The following MTMR11 variants were observed in gnomAD, a reference collection of about 807,000 sequenced individuals.
The protein encoded by MTMR11 is myotubularin related protein 11, also known as myotubularin-related protein 11.
Under a neutral mutation model 100.0 loss-of-function variants are expected in MTMR11, and 89 were observed. That is an observed-to-expected ratio of 0.89 (90% CI 0.75 to 1.06). MTMR11 has a LOEUF of 1.06. Among genes scored for constraint, MTMR11 ranks in the 50% least tolerant of loss-of-function variants. MTMR11 has a pLI of 0.00. For missense variants in MTMR11, 809 were observed against 873.7 expected (o/e 0.93, Z 0.93); for synonymous variants, 336 against 326.3 (o/e 1.03, Z -0.32).
chr1:149,935,510 G>A, intron 3 of MTMR11, 74 bp downstream of exon 3: 1 of 1,591,152 alleles, frequency 6.3e-7, no homozygotes, highest in East Asian at 2.2e-5. Flanking sequence ...AACCCATAAT[G>A]TTTGTCTAAA....
At chr1:149,933,037 C>A (rs1461877499) in intron 10 of MTMR11, among the ~76,000 whole-genome samples, 1 of 150,780 alleles carries the variant, frequency 6.6e-6, no homozygotes, top group Non-Finnish European at 1.5e-5. Flanking sequence ...TCACCCGCCT[C>A]CTGGGTTCAA....
chr1:149,931,613 C>G (rs1553767703), intron 12 of MTMR11, 187 bp from the exon 13 acceptor site: 1 of 606,200 alleles, frequency 1.6e-6, no homozygotes, highest in Non-Finnish European at 2.8e-6. Flanking sequence ...ACTTCCTGGA[C>G]TCCACCCGGA....
chr1:149,930,422 G>T lies in MTMR11; in HGVS notation c.1590C>A (p.Phe530Leu), dbSNP rs781933649. 4.3e-6 allele frequency: 7 copies of T among 1,614,004 alleles called. No individual in the cohort carries two copies. Among genetic ancestry groups the T allele is most frequent in the Non-Finnish European group, 5.9e-6 (7 of 1,179,918 alleles). ...LRYSNAQILQ[F>L]QNPGYDPEHC... Reference sequence around the variant, plus strand: ...GTTCTGGGTCATAGCCAGGATTCTGGAATTGTAGTATCTGTGCATTGCTAT... The same window carrying T: ...GTTCTGGGTCATAGCCAGGATTCTGTAATTGTAGTATCTGTGCATTGCTAT... The change falls in exon 15 of 17, where the codon TTC becomes TTA. Residue 530 changes from phenylalanine (F) to leucine (L), a missense_variant. Phe to Leu is a conservative substitution (Grantham distance 22). Coordinates refer to ENST00000439741, the MANE Select transcript of MTMR11 (RefSeq NM_001145862.2).
chr1:149,928,804 G>A lies in MTMR11; in HGVS notation c.*325C>T, dbSNP rs2092614403. On this transcript the variant is annotated 3_prime_UTR_variant, in exon 17 of 17. Coordinates refer to ENST00000439741, the MANE Select transcript of MTMR11 (RefSeq NM_001145862.2). ...GGAATTAAAGCAGCAGCAAGGCGAG[G>A]TGAGAATGCGATTTCTAGGCCATCT... 3 of 1,473,210 alleles carry A rather than the reference G, an allele frequency of 2.0e-6. No individual in the cohort carries two copies. 91.3% of individuals were successfully genotyped at this position (1,473,210 alleles called of 1,614,324 possible). A position where few individuals can be genotyped will look rare whatever the true frequency, so the allele number is the denominator to read the frequency against.
chr1:149,935,195 C>T (rs1232967471), intron 4 of MTMR11, 67 bp from the exon 5 acceptor site: 6 of 1,607,936 alleles, frequency 3.7e-6, no homozygotes, highest in Non-Finnish European at 5.1e-6. Context: ...ACTCTTGCAG[C>T]CCATCCCACT....
chr1:149,929,019 C>T lies in MTMR11; in HGVS notation c.*110G>A, dbSNP rs587743091. On this transcript the variant is annotated 3_prime_UTR_variant, in exon 17 of 17. Coordinates refer to ENST00000439741, the MANE Select transcript of MTMR11 (RefSeq NM_001145862.2). The stretch of plus-strand genomic sequence containing the variant: ...GAGTTGGAGCAGTTAACACCACTAT[C>T]TGCAGCAGAAACTCAGACCTTCTTA... 5 of 1,601,438 alleles carry T rather than the reference C, an allele frequency of 3.1e-6. No homozygotes were observed. The African/African-American group carries it at 6.7e-5, about 22-fold the overall frequency.
chr1:149,936,214 T>C lies in MTMR11; in HGVS notation c.82A>G (p.Arg28Gly). The part of the protein sequence containing the change: ...EPEMGSVQEN[R>G]MPEPRSRQPS... The stretch of plus-strand genomic sequence containing the variant: ...TGACGACTCCTGGGCTCCGGCATCC[T>C]ATTTTCCTGGACAGACTTTGGTCCA... The change falls in exon 2 of 17, where the codon AGG (arginine) becomes GGG (glycine). Residue 28 changes from arginine (R) to glycine (G), a missense_variant. Arg to Gly is a moderately radical substitution (Grantham distance 125, BLOSUM62 -2). Transcript: ENST00000439741. 2 of 1,614,002 alleles carry C rather than the reference T, an allele frequency of 1.2e-6. No individual in the cohort carries two copies. Among genetic ancestry groups the C allele is most frequent in the Non-Finnish European group, 1.7e-6 (2 of 1,180,008 alleles).
chr1:149,933,969 T>C (rs1421957053), intron 7 of MTMR11, 27 bp from the exon 8 acceptor site: 2 of 1,600,074 alleles, frequency 1.2e-6, no homozygotes, highest in Non-Finnish European at 1.7e-6. Context: ...ATATTACAGT[T>C]TGGCTCAGTG....
chr1:149,936,350 T>A lies in MTMR11; in HGVS notation c.67-121A>T, dbSNP rs1033508097. On this transcript the variant is annotated intron_variant, in intron 1 of 16. Coordinates refer to ENST00000439741, the MANE Select transcript of MTMR11 (RefSeq NM_001145862.2). ...CGGGGGAAACTGAGATCAGTGTCTG[T>A]GGGGAGCTCCAGACCTAACAGGGCT... 8 of 1,508,932 alleles carry A rather than the reference T, an allele frequency of 5.3e-6. No homozygotes were observed. The African/African-American group carries it at 8.4e-5, about 16-fold the overall frequency. 93.5% of individuals were successfully genotyped at this position (1,508,932 alleles called of 1,614,324 possible).
intron 5 of MTMR11, 83 bp from the exon 6 acceptor site, chr1:149,934,609 T>A: frequency 1.4e-6 from 2 of 1,387,112 alleles, no homozygotes; most frequent in South Asian, 2.5e-5. Flanking sequence ...GTTGCTCCAC[T>A]CTCTTTGCCA....
At chr1:149,932,522 C>A (rs1218322665) in intron 10 of MTMR11, among the ~76,000 whole-genome samples, 192 bp from the exon 11 acceptor site, 1 of 152,136 alleles carries the variant, frequency 6.6e-6, no homozygotes, top group Non-Finnish European at 1.5e-5. Flanking sequence ...TTGTATACTT[C>A]AGTGAAGGGT....
At chr1:149,931,843 G>T in intron 12 of MTMR11, 101 bp downstream of exon 12, 1 of 1,040,744 alleles carries the variant, frequency 9.6e-7, no homozygotes. Flanking sequence ...CCAGGAACAG[G>T]AGAGGAAGAA....
rs782186576 is a variant in MTMR11, at chr1:149,928,903, T to TA, written c.*225dup. On this transcript the variant is annotated 3_prime_UTR_variant, in exon 17 of 17. Coordinates refer to ENST00000439741, the MANE Select transcript of MTMR11 (RefSeq NM_001145862.2). ...TTATCCAGAAGGGATGGGATTGGCCTAAAAAAACCGATCAATTTCTGGATT... is the reference window on the plus strand; with the variant it reads ...TTATCCAGAAGGGATGGGATTGGCCTAAAAAAAACCGATCAATTTCTGGATT... 5 of 1,613,946 alleles carry TA rather than the reference T, an allele frequency of 3.1e-6. No homozygotes were observed. Among genetic ancestry groups the TA allele is most frequent in the South Asian group, 2.2e-5 (2 of 91,084 alleles).
chr1:149,934,375 C>T, intron 6 of MTMR11, 49 bp from the exon 7 acceptor site: 3 of 1,613,686 alleles, frequency 1.9e-6, no homozygotes, highest in Non-Finnish European at 2.5e-6. Flanking sequence ...TCAGAGACAG[C>T]TTCTCAGCTC....
At chr1:149,934,859 C>G in intron 5 of MTMR11, 127 bp downstream of exon 5, 1 of 1,218,282 alleles carries the variant, frequency 8.2e-7, no homozygotes, top group South Asian at 1.6e-5. Flanking sequence ...GCCTTTTAGC[C>G]TTTCCTTGAG....
intron 10 of MTMR11, among the ~76,000 whole-genome samples, chr1:149,933,118 G>C (rs993487640): frequency 2.6e-5 from 4 of 151,602 alleles, no homozygotes; most frequent in African/African-American, 9.7e-5. Flanking sequence ...AGCTAATTTT[G>C]TGTGTGTGTG....
In MTMR11 at chr1:149,936,746, T is replaced by G. The variant is rs1571562176; in HGVS notation, c.-99A>C. 1.2e-6 allele frequency: 1 copy of G among 804,898 alleles called. No individual in the cohort carries two copies. Among genetic ancestry groups the G allele is most frequent in the African/African-American group, 1.7e-5 (1 of 57,574 alleles). The allele number at this position is 804,898 out of a possible 1,614,324, so 49.9% of individuals were successfully genotyped here. ...GGCTGAGTCTTGTTGAGAAGAGGGG[T>G]GTTAGGGAGAGGGGTAGGGGGTTGG... On this transcript the variant is annotated 5_prime_UTR_variant, in exon 1 of 17. Coordinates refer to ENST00000439741, the MANE Select transcript of MTMR11 (RefSeq NM_001145862.2).
At chr1:149,932,992 T>C (rs1216507505) in intron 10 of MTMR11, among the ~76,000 whole-genome samples, 18 of 148,984 alleles carry the variant, frequency 1.2e-4, no homozygotes, top group Non-Finnish European at 1.8e-4. Flanking sequence ...TTCACTCTTG[T>C]CGCCCAGGCT....
Position 149,929,801 on chromosome 1 carries a change from G to C in MTMR11, c.1763C>G (p.Ser588Cys). ...AGCAGGTCGAGGGAGCCAACGAGAAGAGACTGCCAGCAGGGAAGGACTGTC... is the reference window on the plus strand; with the variant it reads ...AGCAGGTCGAGGGAGCCAACGAGAACAGACTGCCAGCAGGGAAGGACTGTC... ...WRDSPSLLAV[S>C]SRWLPRPAIS... Residue 588 changes from serine to cysteine, a missense_variant, in exon 16 of 17, where the codon TCT (serine) becomes TGT (cysteine). By Grantham distance (112) the Ser-to-Cys change is moderately radical. Coordinates refer to ENST00000439741, the MANE Select transcript of MTMR11 (RefSeq NM_001145862.2). The C allele has an allele frequency of 5.0e-6, 8 of 1,614,214 alleles. No homozygotes were observed. The highest frequency in any genetic ancestry group is 6.8e-6 in the Non-Finnish European group (8 of 1,180,034).
Sources: gnomAD v4.1 joint callset for allele counts (sites outside exome capture counted in the v4.1 genomes callset) on GRCh38, gnomAD v4.1.1 for gene constraint, MANE v1.5 for transcripts, NCBI Gene and HGNC (gene_info 2026-07-23, HGNC 2026-07-21) for gene names.